MTMR7: variants seen among roughly 807,000 people sequenced by gnomAD.
The protein encoded by MTMR7 is myotubularin related protein 7.
Under a neutral mutation model 81.2 loss-of-function variants are expected in MTMR7, and 76 were observed. That is an observed-to-expected ratio of 0.94 (90% CI 0.78 to 1.13). The LOEUF is 1.13. Ranked by LOEUF, MTMR7 falls within the 50% of genes most tolerant of loss-of-function variation. The pLI, the probability that MTMR7 is intolerant of heterozygous loss-of-function variation, is 0.00. For missense variants in MTMR7, 1,044 were observed against 820.0 expected (o/e 1.27, Z -3.34); for synonymous variants, 372 against 289.8 (o/e 1.28, Z -2.88).
At position 17,341,514 on chromosome 8, in the gene MTMR7, C is replaced by A. The variant is rs557135959; in HGVS notation, c.598-17G>T. On this transcript the variant is annotated splice_polypyrimidine_tract_variant and intron_variant, in intron 5 of 13. Transcript: ENST00000180173. ...GATGGAGGCCTAGGGGGAGAGGTCA[C>A]AGCAACACAGCACCATCAGGTAACT... 1.3e-5 allele frequency: 21 copies of A among 1,612,300 alleles called. 2 individuals are homozygous for A. The South Asian group carries it at 2.3e-4, about 18-fold the overall frequency.
At chr8:17,333,407 T>C (rs560994302) in intron 6 of MTMR7, among the ~76,000 whole-genome samples, 1 of 152,358 alleles carries the variant, frequency 6.6e-6, no homozygotes, top group Non-Finnish European at 1.5e-5. Context: ...TGTTGGTTTA[T>C]CCTTTATAAC....
intron 1 of MTMR7, among the ~76,000 whole-genome samples, chr8:17,378,954 C>T (rs1214553501): frequency 6.6e-6 from 1 of 152,020 alleles, no homozygotes; most frequent in South Asian, 2.1e-4. Flanking sequence ...GGCGAGCAGG[C>T]AGAGTGAGAA....
chr8:17,381,313 G>A (rs1033937974), intron 1 of MTMR7, among the ~76,000 whole-genome samples: 7 of 152,160 alleles, frequency 4.6e-5, no homozygotes, highest in Middle Eastern at 3.4e-3. Flanking sequence ...CCACACTGGC[G>A]GCCCAACATA....
intron 7 of MTMR7, among the ~76,000 whole-genome samples, chr8:17,325,628 G>A (rs974075769): frequency 6.6e-6 from 1 of 152,168 alleles, no homozygotes; most frequent in Non-Finnish European, 1.5e-5. Flanking sequence ...CACTTCCCCT[G>A]CTCCACTGTC....
chr8:17,405,218 T>A (rs1419450708), intron 1 of MTMR7, among the ~76,000 whole-genome samples: 1 of 152,220 alleles, frequency 6.6e-6, no homozygotes, highest in African/African-American at 2.4e-5. Context: ...GGATTCACTG[T>A]CAAGAACTAG....
Position 17,373,096 on chromosome 8 carries a change from G to A in MTMR7, c.147+22C>T, listed in dbSNP as rs752469834. Reference sequence around the variant, plus strand: ...CTTCAAACAACGCAAAACAAGGAAAGCTAAAAATAAAGAAAGCATACCCAT... The same window carrying A: ...CTTCAAACAACGCAAAACAAGGAAAACTAAAAATAAAGAAAGCATACCCAT... On this transcript the variant is annotated intron_variant, in intron 2 of 13. Transcript: ENST00000180173. 4 of 1,610,622 alleles carry A rather than the reference G, an allele frequency of 2.5e-6. No individual in the cohort carries two copies. In the African/African-American group the frequency reaches 4.0e-5, roughly 16 times the overall value.
chr8:17,312,098 G>GA (rs1817812940), intron 8 of MTMR7, among the ~76,000 whole-genome samples: 1 of 152,082 alleles, frequency 6.6e-6, no homozygotes, highest in Non-Finnish European at 1.5e-5. Flanking sequence ...TTGAGGAAAG[G>GA]AAAAAACAAA....
chr8:17,348,955 G>C lies in MTMR7; in HGVS notation c.595C>G (p.His199Asp). 3 of 1,613,470 alleles carry C rather than the reference G, an allele frequency of 1.9e-6. No homozygotes were observed. Among genetic ancestry groups the C allele is most frequent in the Non-Finnish European group, 2.5e-6 (3 of 1,179,922 alleles). ...CAAAAACACGCCTCGAGACTTACGT[G>C]GTTATCTTTATAATAGTAAGAAAGG... ...PVLSYYYKDNHASICRSSQPL... is the reference protein window; with the variant it reads ...PVLSYYYKDNDASICRSSQPL... The change falls in exon 5 of 14, where the codon CAC becomes GAC. Residue 199 changes from histidine to aspartate, a missense_variant and splice_region_variant. His to Asp is a moderately conservative substitution (Grantham distance 81). Coordinates refer to ENST00000180173, the MANE Select transcript of MTMR7 (RefSeq NM_004686.5).
At chr8:17,328,474 C>G (rs1043015710) in intron 7 of MTMR7, among the ~76,000 whole-genome samples, 1 of 152,032 alleles carries the variant, frequency 6.6e-6, no homozygotes, top group Non-Finnish European at 1.5e-5. Context: ...GAATAGAAAA[C>G]CAAGCACCAC....
intron 4 of MTMR7, among the ~76,000 whole-genome samples, chr8:17,353,030 G>T (rs1406328314): frequency 6.6e-6 from 1 of 152,166 alleles, no homozygotes; most frequent in Admixed American, 6.5e-5. Context: ...CAGCCAAGAG[G>T]TGGAAGCAAC....
At position 17,407,494 on chromosome 8, in the gene MTMR7, T is replaced by C. The variant is rs541076794; in HGVS notation, c.24+5775A>G. 1.1e-3 allele frequency among the ~76,000 whole-genome samples: 173 copies of C among 152,218 alleles called. 1 individual carries two copies. Among genetic ancestry groups the C allele is most frequent in the Middle Eastern group, 3.4e-3 (1 of 292 alleles). On this transcript the variant is annotated intron_variant, in intron 1 of 13. Coordinates refer to ENST00000180173, the MANE Select transcript of MTMR7 (RefSeq NM_004686.5). ...AGTAATTCCATCTAGGGTTCTATTC[T>C]AGGGAAGAAATCACATGCAGATAAT...
intron 8 of MTMR7, among the ~76,000 whole-genome samples, chr8:17,313,034 C>G (rs957006988): frequency 6.6e-6 from 1 of 152,172 alleles, no homozygotes; most frequent in Non-Finnish European, 1.5e-5. Context: ...TTCCTCCATC[C>G]AGGATTAAGC....
At chr8:17,376,867 T>C (rs925722327) in intron 1 of MTMR7, among the ~76,000 whole-genome samples, 6 of 152,106 alleles carry the variant, frequency 3.9e-5, no homozygotes, top group Non-Finnish European at 5.9e-5. Context: ...TGGATAAATA[T>C]TTGTTTTTTT....
rs368188356 is a variant in MTMR7, at chr8:17,332,774, C to A, written c.733-1492G>T. Among the ~76,000 whole-genome samples, 34 of 152,280 alleles carry A rather than the reference C, an allele frequency of 2.2e-4. No homozygotes were observed. The East Asian group carries it at 2.7e-3, about 12-fold the overall frequency. On this transcript the variant is annotated intron_variant, in intron 6 of 13. Transcript: ENST00000180173. ...CATGACAAGTGAAAAGAGTAAGCTA[C>A]AGAATAATATTCATACAATCATCCA...
intron 8 of MTMR7, among the ~76,000 whole-genome samples, chr8:17,312,571 T>A (rs1586159537): frequency 4.9e-5 from 2 of 40,938 alleles, no homozygotes; most frequent in African/African-American, 1.1e-4. Flanking sequence ...CGAGACTCCC[T>A]CTCAAAAAAA....
rs557336719 is a variant in MTMR7 at position 17,310,067 on chromosome 8, C to T, written c.1102-741G>A. On this transcript the variant is annotated intron_variant, in intron 9 of 13. Coordinates refer to ENST00000180173, the MANE Select transcript of MTMR7 (RefSeq NM_004686.5). ...GTAGGCTGGAGTGCAGTGATGAGAT[C>T]ATGGCTCACTACACCCTTGACCTCC... Among the ~76,000 whole-genome samples the T allele has an allele frequency of 1.9e-4, 29 of 152,260 alleles. No homozygotes were observed. The South Asian group carries it at 6.0e-3, about 32-fold the overall frequency.
chr8:17,376,567 G>T (rs962823975), intron 1 of MTMR7, among the ~76,000 whole-genome samples: 1 of 151,962 alleles, frequency 6.6e-6, no homozygotes. Context: ...AATATACAAG[G>T]GTTCCAACTT....
intron 10 of MTMR7, among the ~76,000 whole-genome samples, chr8:17,307,234 A>C (rs1817512592): frequency 6.6e-6 from 1 of 152,106 alleles, no homozygotes; most frequent in South Asian, 2.1e-4. Context: ...AGGATATGAA[A>C]AGACACTTCT....
At chr8:17,380,131 C>A (rs886594842) in intron 1 of MTMR7, among the ~76,000 whole-genome samples, 11 of 152,112 alleles carry the variant, frequency 7.2e-5, no homozygotes, top group African/African-American at 2.7e-4. Flanking sequence ...TCCATGGGAA[C>A]TGGCAGAAAT....
Sources: gnomAD v4.1 joint callset for allele counts (sites outside exome capture counted in the v4.1 genomes callset) on GRCh38, gnomAD v4.1.1 for gene constraint, MANE v1.5 for transcripts, NCBI Gene and HGNC (gene_info 2026-07-23, HGNC 2026-07-21) for gene names.